PDE1A: variants seen among roughly 807,000 people sequenced by gnomAD.
The protein encoded by PDE1A is dual specificity calcium/calmodulin-dependent 3',5'-cyclic nucleotide phosphodiesterase 1A.
A neutral mutation model predicts 61.7 loss-of-function variants in PDE1A; 35 were observed. The observed-to-expected ratio is 0.57, with a 90% confidence interval of 0.43 to 0.75. PDE1A has a LOEUF of 0.75. Among genes scored for constraint, PDE1A ranks in the 30% least tolerant of loss-of-function variants. The probability of loss-of-function intolerance (pLI) is 0.00; values close to 1 mark genes in which losing one functional copy is unlikely to be tolerated. For missense variants in PDE1A, 597 were observed against 630.6 expected, an observed-to-expected ratio of 0.95 and a Z score of 0.57; for synonymous variants, 232 against 213.2, an observed-to-expected ratio of 1.09 and a Z score of -0.77.
chr2:182,383,251 C>T (rs1423619609), intron 1 of PDE1A, among the ~76,000 whole-genome samples: 1 of 152,160 alleles, frequency 6.6e-6, no homozygotes, highest in Admixed American at 6.5e-5. Context: ...TTCTTGCAAC[C>T]TTCTCTTGCT....
the PDE1A span, among the ~76,000 whole-genome samples, chr2:182,636,567 T>C: frequency 2.6e-5 from 4 of 152,216 alleles, no homozygotes; most frequent in African/African-American, 9.7e-5. Context: ...GCACGATTTT[T>C]ATTTCAAACA....
At chr2:182,697,924 T>C in the PDE1A span, among the ~76,000 whole-genome samples, 4 of 152,256 alleles carry the variant, frequency 2.6e-5, no homozygotes, top group East Asian at 7.7e-4. Context: ...ACTATGTCAT[T>C]CCAATAATAA....
At chr2:182,473,527 A>C (rs1687167215) in intron 2 of PDE1A, among the ~76,000 whole-genome samples, 1 of 151,824 alleles carries the variant, frequency 6.6e-6, no homozygotes, top group African/African-American at 2.4e-5. Context: ...GTACATGTGC[A>C]GGTTTGTTAC....
At chr2:182,366,956 A>C (rs371918168) in intron 1 of PDE1A, among the ~76,000 whole-genome samples, 7 of 152,210 alleles carry the variant, frequency 4.6e-5, no homozygotes, top group African/African-American at 1.7e-4. Context: ...CTATGACAAG[A>C]TAATCGTAAA....
chr2:182,560,111 G>C, the PDE1A span, among the ~76,000 whole-genome samples: 1 of 149,752 alleles, frequency 6.7e-6, no homozygotes, highest in South Asian at 2.1e-4. Flanking sequence ...TGTGCACAAT[G>C]TGCAGGTTAG....
intron 1 of PDE1A, among the ~76,000 whole-genome samples, chr2:182,367,954 CTG>C (rs1303180533): frequency 1.3e-5 from 2 of 152,086 alleles, no homozygotes; most frequent in Non-Finnish European, 2.9e-5. Flanking sequence ...CAACACCACT[CTG>C]TCTTTCTTTT....
At chr2:182,678,328 C>G in the PDE1A span, among the ~76,000 whole-genome samples, 1 of 152,130 alleles carries the variant, frequency 6.6e-6, no homozygotes, top group Non-Finnish European at 1.5e-5. Flanking sequence ...GAGGCTGAGG[C>G]AGCAGAATCG....
At chr2:182,578,788 G>T in the PDE1A span, among the ~76,000 whole-genome samples, 3 of 152,234 alleles carry the variant, frequency 2.0e-5, no homozygotes, top group African/African-American at 4.8e-5. Context: ...AGGAATGGTA[G>T]ACAGTGAGGT....
intron 13 of PDE1A, among the ~76,000 whole-genome samples, chr2:182,181,522 A>G (rs374225097): frequency 2.0e-5 from 3 of 152,192 alleles, no homozygotes; most frequent in Admixed American, 1.3e-4. Flanking sequence ...CTCCCAGTCA[A>G]GAGGCGCAAA....
chr2:182,152,499 C>T (rs138480538), intron 13 of PDE1A, among the ~76,000 whole-genome samples: 189 of 140,290 alleles, frequency 1.3e-3, no homozygotes, highest in African/African-American at 5.0e-3. Context: ...TGGCTCACTG[C>T]AACCTCTGCC....
intron 11 of PDE1A, among the ~76,000 whole-genome samples, 173 bp from the exon 12 acceptor site, chr2:182,186,761 G>A (rs980748040): frequency 2.0e-5 from 3 of 152,316 alleles, no homozygotes; most frequent in South Asian, 2.1e-4. Context: ...AGTCTTTAGA[G>A]ATGGTTTAAC....
At chr2:182,370,010 A>T (rs1181805520) in intron 1 of PDE1A, among the ~76,000 whole-genome samples, 1 of 151,988 alleles carries the variant, frequency 6.6e-6, no homozygotes, top group Non-Finnish European at 1.5e-5. Flanking sequence ...CCCTGTCTCT[A>T]CTAAAAAAAT....
chr2:182,578,340 T>C, the PDE1A span, among the ~76,000 whole-genome samples: 1 of 152,152 alleles, frequency 6.6e-6, no homozygotes, highest in Non-Finnish European at 1.5e-5. Flanking sequence ...ATTAAGCTTA[T>C]CATCTGAGTT....
At chr2:182,173,143 C>A (rs1183600485) in intron 13 of PDE1A, among the ~76,000 whole-genome samples, 1 of 152,022 alleles carries the variant, frequency 6.6e-6, no homozygotes, top group Non-Finnish European at 1.5e-5. Flanking sequence ...ATTTCCTGCT[C>A]TTCCCCTACA....
At chr2:182,632,348 CTA>C in the PDE1A span, among the ~76,000 whole-genome samples, 2 of 152,102 alleles carry the variant, frequency 1.3e-5, no homozygotes, top group Non-Finnish European at 1.5e-5. Context: ...TACAATCGTT[CTA>C]TGTAAGATTT....
intron 1 of PDE1A, among the ~76,000 whole-genome samples, chr2:182,368,872 AC>A (rs1699979479): frequency 6.6e-6 from 1 of 152,144 alleles, no homozygotes; most frequent in African/African-American, 2.4e-5. Flanking sequence ...CATAGTGAAC[AC>A]TCATTAAATG....
intron 2 of PDE1A, among the ~76,000 whole-genome samples, chr2:182,452,770 G>C (rs1351920300): frequency 6.6e-6 from 1 of 152,122 alleles, no homozygotes; most frequent in Non-Finnish European, 1.5e-5. Flanking sequence ...ACCTTCAAAT[G>C]TGCTCCATTT....
chr2:182,346,863 C>T (rs1698549978), intron 1 of PDE1A, among the ~76,000 whole-genome samples: 1 of 152,122 alleles, frequency 6.6e-6, no homozygotes, highest in Non-Finnish European at 1.5e-5. Flanking sequence ...TGAGCTCATA[C>T]CTGTCTACAT....
Position 182,326,187 on chromosome 2 carries a change from A to G in PDE1A, c.54-61773T>C, listed in dbSNP as rs531091638. Among the ~76,000 whole-genome samples the G allele has an allele frequency of 4.6e-5, 7 of 152,324 alleles. 1 individual carries two copies. Among genetic ancestry groups the G allele is most frequent in the African/African-American group, 1.7e-4 (7 of 41,580 alleles). ...AGAGAAATTGGAACACTTGTGCATT[A>G]CTGGTGAGAATATAAAATGGTGGAC... On this transcript the variant is annotated intron_variant, in intron 1 of 13. Coordinates refer to ENST00000351439, the Ensembl canonical transcript of PDE1A.
Sources: allele counts gnomAD v4.1 joint callset (sites outside exome capture counted in the v4.1 genomes callset), GRCh38; gene constraint gnomAD v4.1.1; transcripts MANE v1.5; gene names NCBI Gene and HGNC (gene_info 2026-07-23, HGNC 2026-07-21).